Variants in ZMYND8 observed in about 807,000 individuals in gnomAD.
ZMYND8 encodes zinc finger MYND-type containing 8, also known as MYND-type zinc finger-containing chromatin reader ZMYND8.
A neutral mutation model predicts 140.8 loss-of-function variants in ZMYND8; 37 were observed. The ratio of observed to expected loss-of-function variants is 0.26; its 90% CI spans 0.20 to 0.35. ZMYND8 has a LOEUF of 0.35. Among genes scored for constraint, ZMYND8 ranks in the 10% least tolerant of loss-of-function variants. The pLI is 1.00. For missense variants in ZMYND8, 1,068 were observed against 1,570.0 expected, an observed-to-expected ratio of 0.68 and a Z score of 5.40; for synonymous variants, 592 against 597.1, an observed-to-expected ratio of 0.99 and a Z score of 0.12.
At chr20:47,342,535 G>A (rs1462484400) in intron 2 of ZMYND8, among the ~76,000 whole-genome samples, 2 of 144,178 alleles carry the variant, frequency 1.4e-5, no homozygotes, top group Non-Finnish European at 3.0e-5. Flanking sequence ...GAGACAGAGC[G>A]AGATTCTGTC....
chr20:47,328,479 T>C (rs112945127), intron 2 of ZMYND8, among the ~76,000 whole-genome samples: 6,030 of 152,188 alleles, frequency 0.04, 413 homozygotes, highest in African/African-American at 0.13. Context: ...GTTAATTCTT[T>C]TTTTTTTCGA....
Position 47,276,393 on chromosome 20 carries a change from C to T in ZMYND8, c.1401G>A (p.Glu467=), listed in dbSNP as rs2076262071. ...ACGTGGCCTTCTTCTCAGCATCCTG[C>T]TCCACGTCGGAGCCCGTGTGCACAG... is the stretch of plus-strand genomic sequence containing the variant. ...NSSVHTGSDV[E]QDAEKKATSS... The change falls in exon 11 of 23, where the codon GAG becomes GAA. Residue 467 remains glutamate, a synonymous_variant. Coordinates refer to ENST00000471951, the MANE Select transcript of ZMYND8 (RefSeq NM_001281775.3). 6.2e-7 allele frequency: 1 copy of T among 1,609,768 alleles called. No homozygotes were observed. The highest frequency in any genetic ancestry group is 8.5e-7 in the Non-Finnish European group (1 of 1,176,386).
chr20:47,291,561 C>T (rs569042799), intron 6 of ZMYND8, among the ~76,000 whole-genome samples: 2 of 152,256 alleles, frequency 1.3e-5, no homozygotes, highest in African/African-American at 2.4e-5. Context: ...CTAGAATCAT[C>T]GCAAAAGTAT....
intron 10 of ZMYND8, among the ~76,000 whole-genome samples, chr20:47,277,590 C>T (rs75281954): frequency 0.041 from 6,269 of 152,200 alleles, 343 homozygotes; most frequent in African/African-American, 0.11. Context: ...GAAAAACTGG[C>T]GAGAATAAGC....
intron 12 of ZMYND8, among the ~76,000 whole-genome samples, chr20:47,257,990 G>A (rs370864898): frequency 4.6e-5 from 7 of 152,080 alleles, no homozygotes; most frequent in South Asian, 2.1e-4. Context: ...CCCAACGTGC[G>A]GGAATTACAG....
intron 17 of ZMYND8, among the ~76,000 whole-genome samples, chr20:47,228,091 C>CAA (rs11295350): frequency 7.1e-4 from 79 of 111,952 alleles, no homozygotes; most frequent in African/African-American, 1.1e-3. Context: ...AGACTCTTCT[C>CAA]AAAAAAAAAA....
chr20:47,282,287 T>G, intron 9 of ZMYND8, 70 bp from the exon 10 acceptor site: 1 of 1,378,712 alleles, frequency 7.3e-7, no homozygotes, highest in Non-Finnish European at 1.0e-6. Flanking sequence ...AAGTTTGGTA[T>G]GTGAGGATGA....
chr20:47,301,258 G>A (rs974598522), intron 3 of ZMYND8, among the ~76,000 whole-genome samples: 31 of 150,662 alleles, frequency 2.1e-4, no homozygotes, highest in East Asian at 2.0e-4. Flanking sequence ...AGGTTCAAGC[G>A]ATTCTCCTGC....
intron 18 of ZMYND8, among the ~76,000 whole-genome samples, chr20:47,225,529 GACA>G (rs534447915): frequency 0.019 from 1,406 of 72,778 alleles, 34 homozygotes; most frequent in African/African-American, 0.069. Flanking sequence ...CTCCAGCCTG[GACA>G]ACAAGAGTGA....
rs1233088403 is a variant in ZMYND8, at chr20:47,212,804, G to A, written c.3485-79C>T. 2.1e-5 allele frequency: 28 copies of A among 1,328,120 alleles called. No homozygotes were observed. In the South Asian group the frequency reaches 3.7e-4, roughly 17 times the overall value. 82.3% of individuals were successfully genotyped at this position (1,328,120 alleles called of 1,614,324 possible). On this transcript the variant is annotated intron_variant, in intron 21 of 22. Coordinates refer to ENST00000471951, the MANE Select transcript of ZMYND8 (RefSeq NM_001281775.3). ...ACAACCCCAAGTGCTTACTATTTTTGTTCATCAACAGGCTACTGTTATTAG... is the reference window on the plus strand; with the variant it reads ...ACAACCCCAAGTGCTTACTATTTTTATTCATCAACAGGCTACTGTTATTAG...
At chr20:47,331,344 C>T (rs185308932) in intron 2 of ZMYND8, among the ~76,000 whole-genome samples, 3 of 151,878 alleles carry the variant, frequency 2.0e-5, no homozygotes, top group African/African-American at 4.8e-5. Flanking sequence ...ATTTAGGATA[C>T]GATATTGTAA....
rs1463199120 is a variant in ZMYND8 at position 47,298,834 on chromosome 20, C to T, written c.348G>A (p.Arg116=). Residue 116 remains arginine (R), a synonymous_variant, in exon 4 of 23, where the codon CGG becomes CGA. Coordinates refer to ENST00000471951, the MANE Select transcript of ZMYND8 (RefSeq NM_001281775.3). This position sits in a 1 kb window ranked among gnomAD's most constrained non-coding sequence, Gnocchi z 5.0. ...RNDFYCWVCH[R]EGQVLCCELC... is the part of the protein sequence containing the mutation. ...GCTCACAGCAAAGGACTTGGCCTTC[C>T]CGGTGACAAACCCAGCAGTAGAAAT... The T allele has an allele frequency of 5.6e-6, 9 of 1,614,048 alleles. No homozygotes were observed. Among genetic ancestry groups the T allele is most frequent in the African/African-American group, 1.3e-5 (1 of 74,904 alleles).
In ZMYND8 at chr20:47,231,493, C is replaced by G. The variant is rs550212323; in HGVS notation, c.2857-1687G>C. 3.9e-5 allele frequency among the ~76,000 whole-genome samples: 6 copies of G among 152,284 alleles called. No homozygotes were observed. In the East Asian group the frequency reaches 1.2e-3, roughly 29 times the overall value. ...CGCAAACACTGCAGCTCGTTACCTG[C>G]CACGGAGTAGGTGTTCATAAAGAAA... On this transcript the variant is annotated intron_variant, in intron 16 of 22. Transcript: ENST00000471951.
intron 21 of ZMYND8, among the ~76,000 whole-genome samples, chr20:47,213,965 A>G (rs1164449287): frequency 1.3e-5 from 2 of 152,240 alleles, no homozygotes; most frequent in African/African-American, 4.8e-5. Flanking sequence ...CTCTATGCAT[A>G]TAGCTCTAAC....
chr20:47,240,025 T>C (rs2039748810), intron 14 of ZMYND8, among the ~76,000 whole-genome samples: 2 of 151,636 alleles, frequency 1.3e-5, no homozygotes, highest in African/African-American at 4.9e-5. Context: ...TCACTTGAGG[T>C]CAGGATTTTG....
At chr20:47,218,823 C>CCTTGA (rs1330971337) in intron 21 of ZMYND8, among the ~76,000 whole-genome samples, 2 of 152,162 alleles carry the variant, frequency 1.3e-5, no homozygotes, top group East Asian at 3.9e-4. Flanking sequence ...ATCCAACTTT[C>CCTTGA]AAGGCCTAGC....
At chr20:47,284,244 T>C (rs967983037) in intron 8 of ZMYND8, among the ~76,000 whole-genome samples, 6 of 152,024 alleles carry the variant, frequency 3.9e-5, no homozygotes, top group Non-Finnish European at 7.4e-5. Context: ...TTTATAGACA[T>C]AAATCTGTTC....
chr20:47,265,139 G>A (rs920372637), intron 11 of ZMYND8, among the ~76,000 whole-genome samples: 1 of 151,064 alleles, frequency 6.6e-6, no homozygotes, highest in African/African-American at 2.4e-5. Context: ...ATTCATTTAT[G>A]TTCTACCTCA....
In ZMYND8 at chr20:47,228,790, T is replaced by TC. The variant is rs543603447; in HGVS notation, c.2937+935dup. On this transcript the variant is annotated intron_variant, in intron 17 of 22. Transcript: ENST00000471951. The stretch of plus-strand genomic sequence containing the variant: ...TAGCTCTGCAAAGGATTCCCACAGC[T>TC]CCCCAACGTCACCTTAAATGACCTC... Among the ~76,000 whole-genome samples, 688 of 152,154 alleles carry TC rather than the reference T, an allele frequency of 4.5e-3. 9 individuals are homozygous for TC. Among genetic ancestry groups the TC allele is most frequent in the South Asian group, 0.019 (91 of 4,824 alleles).
Sources: allele counts gnomAD v4.1 joint callset (sites outside exome capture counted in the v4.1 genomes callset), GRCh38; gene constraint gnomAD v4.1.1; non-coding constraint Gnocchi (gnomAD v3.1); transcripts MANE v1.5; gene names NCBI Gene and HGNC (gene_info 2026-07-23, HGNC 2026-07-21).